The following LHCGR variants were observed in gnomAD, a reference collection of about 807,000 sequenced individuals.
LHCGR encodes the protein luteinizing hormone/choriogonadotropin receptor.
Under a neutral mutation model 60.7 loss-of-function variants are expected in LHCGR, and 55 were observed. The observed-to-expected ratio is 0.91, with a 90% confidence interval of 0.73 to 1.13. LHCGR has a LOEUF of 1.13. Ranked by LOEUF, LHCGR falls within the 50% of genes most tolerant of loss-of-function variation. The pLI, the probability that LHCGR is intolerant of heterozygous loss-of-function variation, is 0.00. For missense variants in LHCGR, 862 were observed against 836.0 expected, an observed-to-expected ratio of 1.03 and a Z score of -0.38; for synonymous variants, 337 against 316.5, an observed-to-expected ratio of 1.06 and a Z score of -0.69.
intron 1 of LHCGR, among the ~76,000 whole-genome samples, chr2:48,746,124 A>C (rs534949601): frequency 6.6e-6 from 1 of 152,350 alleles, no homozygotes; most frequent in East Asian, 1.9e-4. Context: ...AAGTATTTTT[A>C]TTAATAATTC....
intron 8 of LHCGR, among the ~76,000 whole-genome samples, chr2:48,701,979 C>T (rs563828537): frequency 6.6e-6 from 1 of 152,296 alleles, no homozygotes; most frequent in East Asian, 1.9e-4. Flanking sequence ...GGCTATTTTA[C>T]TTACTACTGT....
chr2:48,709,058 A>G (rs749628789), intron 7 of LHCGR, 36 bp from the exon 8 acceptor site: 1 of 1,528,472 alleles, frequency 6.5e-7, no homozygotes, highest in Admixed American at 1.7e-5. Flanking sequence ...TGGAGTTTGT[A>G]CCTCATGTGT....
chr2:48,745,880 G>GA (rs554436241), intron 1 of LHCGR, among the ~76,000 whole-genome samples: 17 of 145,568 alleles, frequency 1.2e-4, no homozygotes, highest in African/African-American at 2.8e-4. Context: ...AAAATTAAAA[G>GA]AAAAAAAAAA....
At chr2:48,752,981 C>CGGGGGGGGGGGGGGG (rs60837194) in intron 1 of LHCGR, among the ~76,000 whole-genome samples, 15 of 7,614 alleles carry the variant, frequency 2.0e-3, no homozygotes, top group African/African-American at 9.9e-3. Flanking sequence ...CGGATTTTGG[C>CGGGGGGGGGGGGGGG]GGGGGGGGGG....
chr2:48,705,336 C>A (rs560953025), intron 8 of LHCGR, among the ~76,000 whole-genome samples: 1 of 151,948 alleles, frequency 6.6e-6, no homozygotes, highest in Non-Finnish European at 1.5e-5. Flanking sequence ...AGAATAAATG[C>A]GATATGGTGC....
chr2:48,754,431 CTTGTCTT>C (rs1350716088), intron 1 of LHCGR, among the ~76,000 whole-genome samples: 1 of 152,058 alleles, frequency 6.6e-6, no homozygotes, highest in Non-Finnish European at 1.5e-5. Context: ...TTTAGATACT[CTTGTCTT>C]TTGTCTTTTT....
intron 8 of LHCGR, among the ~76,000 whole-genome samples, chr2:48,705,120 T>TAC (rs1667600398): frequency 6.6e-6 from 1 of 152,210 alleles, no homozygotes; most frequent in Non-Finnish European, 1.5e-5. Context: ...AAAGAACATT[T>TAC]TTATTTTTGC....
chr2:48,708,028 T>A (rs1572842371), intron 8 of LHCGR, among the ~76,000 whole-genome samples: 1 of 152,228 alleles, frequency 6.6e-6, no homozygotes, highest in African/African-American at 2.4e-5. Flanking sequence ...CTCTGTGGGC[T>A]GTACCCACTG....
At chr2:48,710,270 G>T (rs1022188612) in intron 7 of LHCGR, among the ~76,000 whole-genome samples, 1 of 152,124 alleles carries the variant, frequency 6.6e-6, no homozygotes, top group Non-Finnish European at 1.5e-5. Flanking sequence ...ATCAACTGCT[G>T]TTTAAAATAT....
At chr2:48,749,223 C>T (rs1286972026) in intron 1 of LHCGR, among the ~76,000 whole-genome samples, 2 of 152,188 alleles carry the variant, frequency 1.3e-5, no homozygotes, top group Non-Finnish European at 2.9e-5. Flanking sequence ...GAGGTGGTGT[C>T]ATCTTCCAGT....
chr2:48,713,552 A>G (rs1372923448), intron 7 of LHCGR, among the ~76,000 whole-genome samples: 4 of 152,186 alleles, frequency 2.6e-5, no homozygotes, highest in African/African-American at 9.7e-5. Context: ...CCACACTAGC[A>G]GTACAGAGAT....
intron 8 of LHCGR, 82 bp downstream of exon 8, chr2:48,708,866 T>C: frequency 9.6e-7 from 1 of 1,036,978 alleles, no homozygotes; most frequent in South Asian, 1.3e-5. Context: ...CATATCAGCT[T>C]GGGGATGATG....
chr2:48,750,304 T>C (rs1417299369), intron 1 of LHCGR, among the ~76,000 whole-genome samples: 1 of 152,222 alleles, frequency 6.6e-6, no homozygotes, highest in African/African-American at 2.4e-5. Flanking sequence ...GGTTTTTGTT[T>C]GCTTTCAGTT....
In LHCGR at chr2:48,698,536, G is replaced by A. The variant is rs1667235962; in HGVS notation, c.866+79C>T. On this transcript the variant is annotated intron_variant, in intron 9 of 10. Transcript: ENST00000294954. The stretch of plus-strand genomic sequence containing the variant: ...AAGGTAGGGAGTGAAGGGGAGTGGA[G>A]CTGTCTACTCATTGACTATTTTGAA... 4.4e-6 allele frequency: 5 copies of A among 1,141,164 alleles called. No individual in the cohort carries two copies. The East Asian group carries it at 7.0e-5, about 16-fold the overall frequency. The allele number at this position is 1,141,164 out of a possible 1,614,324, so 70.7% of individuals were successfully genotyped here.
intron 2 of LHCGR, among the ~76,000 whole-genome samples, chr2:48,730,278 TAGG>T (rs1668932589): frequency 6.6e-6 from 1 of 152,180 alleles, no homozygotes; most frequent in Non-Finnish European, 1.5e-5. Flanking sequence ...CTTTTCTCAG[TAGG>T]AGGTCTTAAT....
Position 48,688,162 on chromosome 2 carries a change from G to C in LHCGR, c.1635C>G (p.Cys545Trp). ...NVVAFFIICA[C>W]YIKIYFAVRN... ...GAACTGCAAAATAAATTTTAATGTA[G>C]CAAGCACAAATTATGAAGAAGGCCA... The change falls in exon 11 of 11, where the codon TGC becomes TGG. Residue 545 changes from cysteine to tryptophan, a missense_variant. Cys to Trp is a radical substitution (Grantham distance 215). Coordinates refer to ENST00000294954, the MANE Select transcript of LHCGR (RefSeq NM_000233.4). The surrounding 1 kb of genome is among the most constrained non-coding windows in gnomAD (Gnocchi z 5.2). 6.2e-7 allele frequency: 1 copy of C among 1,614,062 alleles called. No homozygotes were observed. Among genetic ancestry groups the C allele is most frequent in the South Asian group, 1.1e-5 (1 of 91,082 alleles).
rs1253730486 is a variant in LHCGR at position 48,743,020 on chromosome 2, G to A, written c.162-11722C>T. ...AAATGATAAAGGGGATATCACCACC[G>A]ATCCCACAGAAATACAAACTACCAT... On this transcript the variant is annotated intron_variant, in intron 1 of 10. Transcript: ENST00000294954. Among the ~76,000 whole-genome samples the A allele has an allele frequency of 5.9e-5, 9 of 152,138 alleles. No individual in the cohort carries two copies. In the East Asian group the frequency reaches 1.2e-3, roughly 20 times the overall value.
At chr2:48,720,164 C>T (rs1043528398) in intron 6 of LHCGR, 1 of 152,122 alleles carries the variant, frequency 6.6e-6, no homozygotes, top group African/African-American at 2.4e-5. Context: ...ATGTCCCTGT[C>T]ATTAGAAAAC....
chr2:48,695,331 C>G (rs1667062142), intron 9 of LHCGR, among the ~76,000 whole-genome samples: 1 of 152,122 alleles, frequency 6.6e-6, no homozygotes, highest in South Asian at 2.1e-4. Context: ...GTTTTTGTTG[C>G]AATTGCTTTT....
Sources: gnomAD v4.1 joint callset for allele counts (sites outside exome capture counted in the v4.1 genomes callset) on GRCh38, gnomAD v4.1.1 for gene constraint, Gnocchi (gnomAD v3.1) non-coding constraint, MANE v1.5 for transcripts, NCBI Gene and HGNC (gene_info 2026-07-23, HGNC 2026-07-21) for gene names.